Variants in ZNF892 observed in about 807,000 individuals in gnomAD.
ZNF892 encodes zinc finger protein 892.
At chr2:95,243,083 C>T in the ZNF892 span, among the ~76,000 whole-genome samples, 8 of 152,298 alleles carry the variant, frequency 5.3e-5, no homozygotes, top group South Asian at 4.1e-4. Flanking sequence ...AGCTCCTAAC[C>T]GCGAGTGATC....
chr2:95,220,515 A>G, the ZNF892 span, among the ~76,000 whole-genome samples: 4 of 152,068 alleles, frequency 2.6e-5, no homozygotes, highest in South Asian at 2.1e-4. Flanking sequence ...CACCTTTTAG[A>G]ACTTTCTTAT....
the ZNF892 span, among the ~76,000 whole-genome samples, chr2:95,234,304 A>G: frequency 6.6e-6 from 1 of 152,238 alleles, no homozygotes; most frequent in African/African-American, 2.4e-5. Flanking sequence ...TATGATTAGA[A>G]GAAGAACCCA....
At chr2:95,216,882 G>A in the ZNF892 span, among the ~76,000 whole-genome samples, 2 of 152,028 alleles carry the variant, frequency 1.3e-5, no homozygotes, top group African/African-American at 4.8e-5. Context: ...AGAAATGTTA[G>A]CTCTTTGGTT....
chr2:95,253,422 T>G, the ZNF892 span, among the ~76,000 whole-genome samples: 1 of 152,220 alleles, frequency 6.6e-6, no homozygotes, highest in Non-Finnish European at 1.5e-5. Flanking sequence ...CTGAGGGTTC[T>G]GTTCTGTTCC....
At chr2:95,224,926 C>G in the ZNF892 span, among the ~76,000 whole-genome samples, 1 of 152,240 alleles carries the variant, frequency 6.6e-6, no homozygotes, top group Non-Finnish European at 1.5e-5. Flanking sequence ...CTATTGCCCT[C>G]TCTTTGCCCT....
the ZNF892 span, among the ~76,000 whole-genome samples, chr2:95,242,008 T>C: frequency 3.9e-5 from 6 of 152,138 alleles, no homozygotes; most frequent in Non-Finnish European, 8.8e-5. Flanking sequence ...GTAAAGAGAC[T>C]GAAGTTACGA....
the ZNF892 span, among the ~76,000 whole-genome samples, chr2:95,255,954 A>G: frequency 5.9e-5 from 9 of 151,830 alleles, no homozygotes; most frequent in African/African-American, 2.2e-4. Context: ...CCATCCCTTT[A>G]TTTTGAGCCT....
At chr2:95,223,569 T>G in the ZNF892 span, among the ~76,000 whole-genome samples, 609 of 152,140 alleles carry the variant, frequency 4.0e-3, 27 homozygotes, top group Admixed American at 0.036. Context: ...CAGCTAAATT[T>G]TTTGCATCTT....
At chr2:95,249,233 T>A in the ZNF892 span, among the ~76,000 whole-genome samples, 435 of 25,914 alleles carry the variant, frequency 0.017, no homozygotes, top group Middle Eastern at 0.059. Flanking sequence ...ATATATATAT[T>A]TTTTTTTTTT....
chr2:95,207,464 A>C, the ZNF892 span: 2 of 202,374 alleles, frequency 9.9e-6, no homozygotes, highest in Non-Finnish European at 9.8e-6. Flanking sequence ...TCCTCTGGGA[A>C]GCGGTGTTGG....
chr2:95,251,490 G>T, the ZNF892 span, among the ~76,000 whole-genome samples: 6 of 152,150 alleles, frequency 3.9e-5, no homozygotes, highest in African/African-American at 1.4e-4. Flanking sequence ...TACCTATAGA[G>T]GCAGAGACAT....
At chr2:95,246,137 T>C in the ZNF892 span, among the ~76,000 whole-genome samples, 7 of 152,144 alleles carry the variant, frequency 4.6e-5, no homozygotes, top group Non-Finnish European at 7.3e-5. Context: ...GCAAACTGAA[T>C]CCAGCAGCAC....
chr2:95,224,348 G>A, the ZNF892 span, among the ~76,000 whole-genome samples: 2 of 152,200 alleles, frequency 1.3e-5, no homozygotes, highest in Non-Finnish European at 2.9e-5. Flanking sequence ...GTTTGAAGGT[G>A]TATTAGCCCA....
chr2:95,257,232 G>A, the ZNF892 span, among the ~76,000 whole-genome samples: 25 of 152,148 alleles, frequency 1.6e-4, no homozygotes, highest in African/African-American at 5.5e-4. Flanking sequence ...TGATGGTGAC[G>A]TACAGATGGG....
At chr2:95,242,132 A>C in the ZNF892 span, among the ~76,000 whole-genome samples, 1 of 152,090 alleles carries the variant, frequency 6.6e-6, no homozygotes, top group Non-Finnish European at 1.5e-5. Context: ...ACATTCAGGA[A>C]ATGCAGAGAA....
At chr2:95,213,245 G>A in the ZNF892 span, among the ~76,000 whole-genome samples, 2 of 152,204 alleles carry the variant, frequency 1.3e-5, no homozygotes, top group African/African-American at 2.4e-5. Flanking sequence ...TGAACATTTG[G>A]GGCTTTAATT....
the ZNF892 span, among the ~76,000 whole-genome samples, chr2:95,215,804 C>T: frequency 6.6e-6 from 1 of 152,084 alleles, no homozygotes; most frequent in Non-Finnish European, 1.5e-5. Context: ...ACTGACATTC[C>T]CTCAGGAAAG....
At chr2:95,247,148 A>G in the ZNF892 span, among the ~76,000 whole-genome samples, 3 of 152,236 alleles carry the variant, frequency 2.0e-5, no homozygotes, top group Non-Finnish European at 4.4e-5. Context: ...TGATACTGGT[A>G]CAAAAACAGA....
the ZNF892 span, chr2:95,211,498 TG>T: frequency 2.5e-6 from 1 of 392,582 alleles, no homozygotes; most frequent in Non-Finnish European, 4.5e-6. Flanking sequence ...GCCAAGGCCA[TG>T]TTGTCTGTCC....
Sources: gnomAD v4.1 joint callset for allele counts (sites outside exome capture counted in the v4.1 genomes callset) on GRCh38, gnomAD v4.1.1 for gene constraint, MANE v1.5 for transcripts, NCBI Gene and HGNC (gene_info 2026-07-23, HGNC 2026-07-21) for gene names.